Variants in ZMYND11 observed in about 807,000 individuals in gnomAD.
ZMYND11 encodes the protein zinc finger MYND-type containing 11.
Under a neutral mutation model 84.9 loss-of-function variants are expected in ZMYND11, and 9 were observed. The observed-to-expected ratio is 0.11, with a 90% CI of 0.06 to 0.18. The LOEUF (loss-of-function observed/expected upper bound fraction) is 0.18. Among genes scored for constraint, ZMYND11 ranks in the 10% least tolerant of loss-of-function variants. ZMYND11 has a pLI of 1.00. For missense variants in ZMYND11, 409 were observed against 761.0 expected (o/e 0.54, Z 5.44); for synonymous variants, 250 against 244.1 (o/e 1.02, Z -0.23).
intron 10 of ZMYND11, among the ~76,000 whole-genome samples, chr10:246,279 A>G (rs578239698): frequency 6.6e-6 from 1 of 152,350 alleles, no homozygotes; most frequent in African/African-American, 2.4e-5. Context: ...TTCCCATTTT[A>G]TATGAATATA....
At chr10:161,523 C>G (rs782039576) in intron 1 of ZMYND11, among the ~76,000 whole-genome samples, 13 of 152,326 alleles carry the variant, frequency 8.5e-5, no homozygotes, top group South Asian at 2.1e-4. Flanking sequence ...ACCTCTCTAG[C>G]TATGAAAGTC....
At chr10:241,767 CTT>C (rs537260279) in intron 9 of ZMYND11, among the ~76,000 whole-genome samples, 9 of 152,126 alleles carry the variant, frequency 5.9e-5, no homozygotes, top group African/African-American at 1.7e-4. Context: ...AGCGGGTGCT[CTT>C]GTTTGCCACC....
chr10:222,846 G>A (rs1015049414), intron 4 of ZMYND11, among the ~76,000 whole-genome samples: 4 of 152,058 alleles, frequency 2.6e-5, no homozygotes, highest in African/African-American at 9.7e-5. Context: ...TATTTTCATA[G>A]TAAATAACTT....
intron 1 of ZMYND11, among the ~76,000 whole-genome samples, chr10:136,898 T>C (rs1836227287): frequency 6.6e-6 from 1 of 152,156 alleles, no homozygotes; most frequent in Admixed American, 6.5e-5. Context: ...ATATGCGGTG[T>C]GTATGCAGTA....
intron 4 of ZMYND11, among the ~76,000 whole-genome samples, chr10:223,755 C>T (rs2448382): frequency 0.93 from 141,389 of 152,270 alleles, 65,995 homozygotes; most frequent in Non-Finnish European, 0.98. Context: ...GAAATTGTAA[C>T]GGAGTTTTTC....
At chr10:147,734 A>G (rs1350034842) in intron 1 of ZMYND11, 3 of 151,422 alleles carry the variant, frequency 2.0e-5, no homozygotes, top group Admixed American at 6.6e-5. Context: ...GAAGATGGAT[A>G]TCGAAGGTAT....
chr10:131,925 G>A (rs1835319719), upstream of ZMYND11, among the ~76,000 whole-genome samples: 1 of 152,016 alleles, frequency 6.6e-6, no homozygotes. Context: ...TACAGAGTTC[G>A]GACCACAGCT....
chr10:139,355 C>T (rs1465902555), intron 1 of ZMYND11, among the ~76,000 whole-genome samples: 1 of 152,150 alleles, frequency 6.6e-6, no homozygotes, highest in Non-Finnish European at 1.5e-5. Context: ...CTTCATTAAA[C>T]CCTCACCAAC....
intron 3 of ZMYND11, among the ~76,000 whole-genome samples, chr10:211,770 A>T (rs903555873): frequency 2.0e-5 from 3 of 152,224 alleles, no homozygotes; most frequent in East Asian, 1.9e-4. Flanking sequence ...AAATCTTTAT[A>T]TAAGAAGAAT....
chr10:148,381 T>A (rs1839427269), intron 1 of ZMYND11: 1 of 150,998 alleles, frequency 6.6e-6, no homozygotes, highest in Non-Finnish European at 1.5e-5. Context: ...TGGGAAGAAG[T>A]CCTAACTTCC....
At chr10:131,190 A>G (rs1835305433), upstream of ZMYND11, among the ~76,000 whole-genome samples, 1 of 152,340 alleles carries the variant, frequency 6.6e-6, no homozygotes, top group South Asian at 2.1e-4. Context: ...AGGCACACAC[A>G]TACACAAACA....
chr10:149,095 T>C (rs1295287647), intron 1 of ZMYND11, among the ~76,000 whole-genome samples: 3 of 152,078 alleles, frequency 2.0e-5, no homozygotes, highest in Non-Finnish European at 2.9e-5. Flanking sequence ...GAGGATCCGA[T>C]GTCTGACTCA....
chr10:166,708 G>T (rs938195251), intron 1 of ZMYND11, among the ~76,000 whole-genome samples: 1 of 152,076 alleles, frequency 6.6e-6, no homozygotes, highest in Non-Finnish European at 1.5e-5. Context: ...GTTAAATGTA[G>T]AATTTATTAC....
rs559601461 is a variant in ZMYND11, at chr10:231,721, G to C, written c.439-5117G>C. Among the ~76,000 whole-genome samples, 29 of 152,312 alleles carry C rather than the reference G, an allele frequency of 1.9e-4. No homozygotes were observed. In the South Asian group the frequency reaches 5.8e-3, roughly 31 times the overall value. ...TCATCCGATTCAGTGTAGCCTGGCA[G>C]TTACTTACAACTGGCTTAAGAATCC... On this transcript the variant is annotated intron_variant, in intron 4 of 14. Transcript: ENST00000381604.
intron 1 of ZMYND11, among the ~76,000 whole-genome samples, chr10:147,424 A>G (rs139864927): frequency 6.6e-6 from 1 of 151,930 alleles, no homozygotes; most frequent in South Asian, 2.1e-4. Flanking sequence ...TGTTCCTCCT[A>G]TTGAGCTCTA....
upstream of ZMYND11, among the ~76,000 whole-genome samples, chr10:131,929 C>T (rs1835319776): frequency 6.6e-6 from 1 of 152,072 alleles, no homozygotes; most frequent in African/African-American, 2.4e-5. Flanking sequence ...GAGTTCGGAC[C>T]ACAGCTTTCT....
intron 4 of ZMYND11, among the ~76,000 whole-genome samples, chr10:234,728 C>T (rs887466972): frequency 1.3e-5 from 2 of 152,124 alleles, no homozygotes; most frequent in African/African-American, 2.4e-5. Context: ...ATTTTATAAG[C>T]GCCAAGAACA....
intron 4 of ZMYND11, among the ~76,000 whole-genome samples, chr10:233,477 G>A (rs1275301841): frequency 1.3e-5 from 2 of 152,188 alleles, no homozygotes; most frequent in Admixed American, 6.5e-5. Flanking sequence ...GTTCCCAGGT[G>A]GTCCTAACGT....
intron 4 of ZMYND11, among the ~76,000 whole-genome samples, chr10:225,005 A>G (rs1297173819): frequency 6.6e-6 from 1 of 152,252 alleles, no homozygotes; most frequent in East Asian, 1.9e-4. Flanking sequence ...TTTTCCAGGA[A>G]AAAAATAAGA....
Sources: gnomAD v4.1 joint callset for allele counts (sites outside exome capture counted in the v4.1 genomes callset) on GRCh38, gnomAD v4.1.1 for gene constraint, MANE v1.5 for transcripts, NCBI Gene and HGNC (gene_info 2026-07-23, HGNC 2026-07-21) for gene names.